C12orf42: variants seen among roughly 807,000 people sequenced by gnomAD.
C12orf42 encodes the protein chromosome 12 open reading frame 42.
In C12orf42, 25 loss-of-function variants were observed where a neutral mutation model predicts 21.6. The observed-to-expected ratio is 1.16, with a 90% confidence interval of 0.84 to 1.62. C12orf42 has a LOEUF of 1.62. Ranked by LOEUF, C12orf42 falls within the 40% of genes most tolerant of loss-of-function variation. The pLI, the probability that C12orf42 is intolerant of heterozygous loss-of-function variation, is 0.00. For missense variants in C12orf42, 483 were observed against 459.3 expected (o/e 1.05, Z -0.47); for synonymous variants, 174 against 175.0 (o/e 0.99, Z 0.05).
rs767204150 is a variant in C12orf42 at position 103,421,166 on chromosome 12, G to A, written c.79-19491C>T. On this transcript the variant is annotated intron_variant, in intron 2 of 5. Transcript: ENST00000548883. ...AGTGCCTAGCCTGCTACAAAGACAC[G>A]AGAGGCCCAGGGGCTAATGACAAGG... 6.6e-5 allele frequency among the ~76,000 whole-genome samples: 10 copies of A among 152,240 alleles called. 1 individual carries two copies. Among genetic ancestry groups the A allele is most frequent in the Admixed American group, 3.9e-4 (6 of 15,294 alleles).
chr12:103,097,266 T>C, the C12orf42 span, among the ~76,000 whole-genome samples: 1 of 152,136 alleles, frequency 6.6e-6, no homozygotes, highest in Non-Finnish European at 1.5e-5. Context: ...GGTTTGGAGA[T>C]GATTTTAGTT....
At chr12:103,384,498 C>A (rs987941598) in intron 3 of C12orf42, among the ~76,000 whole-genome samples, 4 of 152,130 alleles carry the variant, frequency 2.6e-5, no homozygotes, top group African/African-American at 9.7e-5. Context: ...GGTGAAGTAC[C>A]AGCTTCATAA....
intron 2 of C12orf42, among the ~76,000 whole-genome samples, chr12:103,462,012 G>GT (rs1348617601): frequency 6.7e-6 from 1 of 149,610 alleles, no homozygotes; most frequent in African/African-American, 2.5e-5. Context: ...ATACAGCAGA[G>GT]TTTAAGACTC....
At chr12:103,227,030 G>A in the C12orf42 span, among the ~76,000 whole-genome samples, 1 of 152,176 alleles carries the variant, frequency 6.6e-6, no homozygotes, top group East Asian at 1.9e-4. Context: ...TTGTATTGGG[G>A]TCAAGCGGCA....
At chr12:103,360,160 G>A (rs1359042853) in intron 4 of C12orf42, among the ~76,000 whole-genome samples, 1 of 146,808 alleles carries the variant, frequency 6.8e-6, no homozygotes, top group Non-Finnish European at 1.5e-5. Context: ...TCTAGCAGGA[G>A]TTAGAGACAG....
At chr12:103,342,207 C>T (rs563635054) in intron 4 of C12orf42, among the ~76,000 whole-genome samples, 30 of 152,230 alleles carry the variant, frequency 2.0e-4, no homozygotes, top group African/African-American at 7.0e-4. Flanking sequence ...TTATGGGCTC[C>T]TCAACCTTTT....
chr12:103,490,344 A>G (rs1346516416), intron 1 of C12orf42, among the ~76,000 whole-genome samples: 1 of 152,200 alleles, frequency 6.6e-6, no homozygotes, highest in Non-Finnish European at 1.5e-5. Flanking sequence ...GTTTTTAGTC[A>G]ATTTGGAGAG....
At chr12:103,260,788 A>G (rs2034859964) in intron 10 of C12orf42, among the ~76,000 whole-genome samples, 1 of 152,214 alleles carries the variant, frequency 6.6e-6, no homozygotes, top group Non-Finnish European at 1.5e-5. Flanking sequence ...ACCATTTCCA[A>G]GATGCCTGAA....
At chr12:103,356,906 T>C (rs1370570348) in intron 4 of C12orf42, among the ~76,000 whole-genome samples, 3 of 151,862 alleles carry the variant, frequency 2.0e-5, no homozygotes, top group Admixed American at 6.6e-5. Flanking sequence ...TTTGAGTTCA[T>C]TGTAGAGTGG....
At chr12:103,405,594 A>G (rs1282293479) in intron 2 of C12orf42, among the ~76,000 whole-genome samples, 2 of 152,174 alleles carry the variant, frequency 1.3e-5, no homozygotes, top group Non-Finnish European at 2.9e-5. Context: ...TAGGCACTCG[A>G]GGGTTAGTAA....
chr12:103,496,533 C>G (rs1216735523), upstream of C12orf42, among the ~76,000 whole-genome samples: 1 of 152,188 alleles, frequency 6.6e-6, no homozygotes, highest in Non-Finnish European at 1.5e-5. Flanking sequence ...CAACAAAGGT[C>G]GTTCTCATCT....
chr12:103,350,016 G>T (rs1412927716), intron 4 of C12orf42, among the ~76,000 whole-genome samples: 3 of 152,090 alleles, frequency 2.0e-5, no homozygotes, highest in Non-Finnish European at 4.4e-5. Flanking sequence ...AGGGTTAAAT[G>T]TATTTGGGAA....
At chr12:103,535,592 G>C in the C12orf42 span, among the ~76,000 whole-genome samples, 4 of 151,784 alleles carry the variant, frequency 2.6e-5, no homozygotes, top group African/African-American at 9.7e-5. Context: ...AAGTAGGGAG[G>C]TAATATATCA....
intron 3 of C12orf42, among the ~76,000 whole-genome samples, chr12:103,388,441 T>G (rs1046878116): frequency 2.0e-5 from 3 of 151,944 alleles, no homozygotes; most frequent in Admixed American, 1.3e-4. Flanking sequence ...GTGGGGAAAC[T>G]TGGGTGCTTG....
chr12:103,188,294 T>C, the C12orf42 span, among the ~76,000 whole-genome samples: 2 of 152,234 alleles, frequency 1.3e-5, no homozygotes, highest in East Asian at 3.8e-4. Context: ...TTTTTTAATT[T>C]TATTTTTCCA....
At chr12:103,430,659 C>T (rs541644517) in intron 2 of C12orf42, among the ~76,000 whole-genome samples, 3 of 152,284 alleles carry the variant, frequency 2.0e-5, no homozygotes, top group Admixed American at 2.0e-4. Flanking sequence ...AAGACACATG[C>T]ACACATATGT....
intron 1 of C12orf42, among the ~76,000 whole-genome samples, chr12:103,495,139 C>T (rs1955436245): frequency 6.7e-6 from 1 of 149,970 alleles, no homozygotes; most frequent in Non-Finnish European, 1.5e-5. Context: ...CAGATGTGGG[C>T]AGGGGCTGCA....
At chr12:103,323,956 T>C (rs1055145206) in intron 4 of C12orf42, among the ~76,000 whole-genome samples, 2 of 152,218 alleles carry the variant, frequency 1.3e-5, no homozygotes, top group East Asian at 1.9e-4. Context: ...TATTGAGATG[T>C]ATTTTATCTA....
At chr12:103,127,494 G>A in the C12orf42 span, among the ~76,000 whole-genome samples, 1 of 152,124 alleles carries the variant, frequency 6.6e-6, no homozygotes, top group African/African-American at 2.4e-5. Flanking sequence ...AATGAAAATA[G>A]AAGTGTGTGT....
Sources: allele counts gnomAD v4.1 joint callset (sites outside exome capture counted in the v4.1 genomes callset), GRCh38; gene constraint gnomAD v4.1.1; transcripts MANE v1.5; gene names NCBI Gene and HGNC (gene_info 2026-07-23, HGNC 2026-07-21).